Variants in RIMS1 observed in about 807,000 individuals in gnomAD.
RIMS1 encodes the protein regulating synaptic membrane exocytosis protein 1.
Under a neutral mutation model 214.1 loss-of-function variants are expected in RIMS1, and 83 were observed. The observed-to-expected ratio is 0.39, with a 90% CI of 0.32 to 0.47. The LOEUF (loss-of-function observed/expected upper bound fraction) is 0.47, where lower values mean the gene tolerates loss of function less well. Ranked by LOEUF, RIMS1 falls within the 20% of genes least tolerant of loss-of-function variation. The probability of loss-of-function intolerance (pLI) is 0.99; values close to 1 mark genes in which losing one functional copy is unlikely to be tolerated. For missense variants in RIMS1, 2,050 were observed against 2,161.8 expected (o/e 0.95, Z 1.03); for synonymous variants, 793 against 786.8 (o/e 1.01, Z -0.13).
chr6:71,896,162 TAA>T (rs1771692130), intron 1 of RIMS1, among the ~76,000 whole-genome samples: 1 of 152,218 alleles, frequency 6.6e-6, no homozygotes, highest in Non-Finnish European at 1.5e-5. Context: ...TCCAAAATCC[TAA>T]AGAGATTCTA....
intron 29 of RIMS1, among the ~76,000 whole-genome samples, chr6:72,341,890 T>A (rs766487845): frequency 2.6e-5 from 4 of 151,750 alleles, no homozygotes; most frequent in Non-Finnish European, 5.9e-5. Context: ...TAATATCTTT[T>A]CTCCAAATAC....
In RIMS1 at chr6:71,996,054, A is replaced by C. The variant is rs1240999022; in HGVS notation, c.245+26991A>C. 7.2e-5 allele frequency among the ~76,000 whole-genome samples: 11 copies of C among 152,268 alleles called. 1 individual carries two copies. The highest frequency in any genetic ancestry group is 7.2e-4 in the Admixed American group (11 of 15,282). On this transcript the variant is annotated intron_variant, in intron 2 of 33. Transcript: ENST00000521978. ...ACCCACCTCCCAAAGTGTTGAGATTACAGGCATGAGCCACCACTCCCAGAC... is the reference window on the plus strand; with the variant it reads ...ACCCACCTCCCAAAGTGTTGAGATTCCAGGCATGAGCCACCACTCCCAGAC...
chr6:71,955,581 G>A (rs1242182952), intron 1 of RIMS1, among the ~76,000 whole-genome samples: 1 of 152,064 alleles, frequency 6.6e-6, no homozygotes, highest in Non-Finnish European at 1.5e-5. Context: ...CTGATTTATA[G>A]TAATTCTTTA....
At chr6:72,183,293 C>A in intron 6 of RIMS1, 144 bp downstream of exon 6, 1 of 695,246 alleles carries the variant, frequency 1.4e-6, no homozygotes, top group Non-Finnish European at 2.3e-6. Flanking sequence ...AGTGGAAGGT[C>A]TTATTTTTAT....
At chr6:72,091,842 C>T (rs906175826) in intron 2 of RIMS1, among the ~76,000 whole-genome samples, 2 of 152,102 alleles carry the variant, frequency 1.3e-5, no homozygotes, top group African/African-American at 4.8e-5. Flanking sequence ...ATTTTGTTAA[C>T]CTCACTAGTC....
intron 1 of RIMS1, among the ~76,000 whole-genome samples, chr6:71,940,305 A>C (rs1463474507): frequency 6.6e-6 from 1 of 152,218 alleles, no homozygotes; most frequent in Admixed American, 6.5e-5. Context: ...GAATTTTTCA[A>C]AATCACACTG....
In RIMS1 at chr6:72,038,102, AAAAAAAAAAAAAAAAAATATAT is replaced by A. The variant is rs58940869; in HGVS notation, c.246-58845_246-58824del. On this transcript the variant is annotated intron_variant, in intron 2 of 33. Coordinates refer to ENST00000521978, the MANE Select transcript of RIMS1 (RefSeq NM_014989.7). Reference sequence around the variant, plus strand: ...TTGAACAAACAAGCAAAAAAAAAAAAAAAAAAAAAAAAAAAAATATATATATATATATATATATATATATATA... The same window carrying A: ...TTGAACAAACAAGCAAAAAAAAAAAAATATATATATATATATATATATATA... 4.8e-3 allele frequency among the ~76,000 whole-genome samples: 345 copies of A among 72,484 alleles called. 2 individuals carry two copies. The highest frequency in any genetic ancestry group is 0.021 in the African/African-American group (322 of 15,150). The allele number at this position is 72,484 out of a possible 152,430, so 47.6% of individuals were successfully genotyped here. A position where few individuals can be genotyped will look rare whatever the true frequency, so the allele number is the denominator to read the frequency against.
chr6:71,983,318 C>G (rs1038719391), intron 2 of RIMS1, among the ~76,000 whole-genome samples: 5 of 151,982 alleles, frequency 3.3e-5, no homozygotes, highest in Non-Finnish European at 7.4e-5. Context: ...ATGAAACCAC[C>G]AAGAGCGTGC....
intron 11 of RIMS1, among the ~76,000 whole-genome samples, chr6:72,246,348 G>T (rs1255006527): frequency 6.6e-6 from 1 of 152,120 alleles, no homozygotes; most frequent in Non-Finnish European, 1.5e-5. Context: ...TAGGTCAAGA[G>T]ATTGTGAAAC....
At chr6:71,984,780 T>C (rs79685031) in intron 2 of RIMS1, among the ~76,000 whole-genome samples, 2,513 of 59,176 alleles carry the variant, frequency 0.042, 98 homozygotes, top group East Asian at 0.28. Flanking sequence ...TACATATCTA[T>C]CTATCTATCT....
At chr6:72,296,306 G>A (rs2094088813) in intron 26 of RIMS1, among the ~76,000 whole-genome samples, 1 of 151,762 alleles carries the variant, frequency 6.6e-6, no homozygotes, top group Non-Finnish European at 1.5e-5. Context: ...TGCTCTCATA[G>A]ATAAAAGATT....
intron 2 of RIMS1, among the ~76,000 whole-genome samples, chr6:72,079,769 C>T (rs1832824758): frequency 6.6e-6 from 1 of 151,880 alleles, no homozygotes; most frequent in South Asian, 2.1e-4. Context: ...CTTGTAGTCC[C>T]AGCTACTTGG....
chr6:72,198,874 C>T (rs550581138), intron 6 of RIMS1, among the ~76,000 whole-genome samples: 1 of 151,992 alleles, frequency 6.6e-6, no homozygotes, highest in South Asian at 2.1e-4. Flanking sequence ...CTATCAACTT[C>T]AAAGTTCTCA....
intron 29 of RIMS1, among the ~76,000 whole-genome samples, chr6:72,352,694 C>T (rs1010484945): frequency 2.6e-5 from 4 of 152,100 alleles, no homozygotes; most frequent in Admixed American, 2.6e-4. Flanking sequence ...GAATCCATAT[C>T]GCAAAAGTAT....
At chr6:71,969,550 C>T (rs1172771114) in intron 2 of RIMS1, among the ~76,000 whole-genome samples, 8 of 152,150 alleles carry the variant, frequency 5.3e-5, no homozygotes, top group East Asian at 3.9e-4. Context: ...GGCTCATGCC[C>T]GTAATCCCAG....
chr6:72,276,044 C>T (rs895303317), intron 23 of RIMS1, among the ~76,000 whole-genome samples: 1 of 152,164 alleles, frequency 6.6e-6, no homozygotes, highest in African/African-American at 2.4e-5. Flanking sequence ...GAGACTGCAT[C>T]TCTGCAAACA....
intron 2 of RIMS1, among the ~76,000 whole-genome samples, chr6:71,970,243 T>C (rs1397883020): frequency 6.6e-6 from 1 of 152,206 alleles, no homozygotes; most frequent in East Asian, 1.9e-4. Context: ...TTGGAAGAAG[T>C]ACTTTAAATG....
chr6:72,118,397 A>C (rs1482268115), intron 4 of RIMS1, among the ~76,000 whole-genome samples: 1 of 151,426 alleles, frequency 6.6e-6, no homozygotes, highest in African/African-American at 2.4e-5. Flanking sequence ...TCTATCAGGC[A>C]CTCAAAGAAT....
chr6:72,087,642 T>C (rs959383210), intron 2 of RIMS1, among the ~76,000 whole-genome samples: 1 of 152,192 alleles, frequency 6.6e-6, no homozygotes, highest in Non-Finnish European at 1.5e-5. Context: ...ACTGTTGCCA[T>C]GACATTTGCT....
Sources: gnomAD v4.1 joint callset for allele counts (sites outside exome capture counted in the v4.1 genomes callset) on GRCh38, gnomAD v4.1.1 for gene constraint, MANE v1.5 for transcripts, NCBI Gene and HGNC (gene_info 2026-07-23, HGNC 2026-07-21) for gene names.